The following NSUN6 variants were observed in gnomAD, a reference collection of about 807,000 sequenced individuals.
NSUN6 encodes the protein NOP2/Sun RNA methyltransferase 6, also known as tRNA (cytosine(72)-C(5))-methyltransferase NSUN6.
In NSUN6, 64 loss-of-function variants were observed where a neutral mutation model predicts 58.0. The observed-to-expected ratio is 1.10, with a 90% CI of 0.90 to 1.36. The LOEUF (loss-of-function observed/expected upper bound fraction) is 1.36, where lower values mean the gene tolerates loss of function less well. Ranked by LOEUF, NSUN6 falls within the 40% of genes most tolerant of loss-of-function variation. The probability of loss-of-function intolerance (pLI) is 0.00; values close to 1 mark genes in which losing one functional copy is unlikely to be tolerated. For synonymous variants in NSUN6, 231 were observed against 193.9 expected, an observed-to-expected ratio of 1.19 and a Z score of -1.59; for missense variants, 701 against 550.1, an observed-to-expected ratio of 1.27 and a Z score of -2.74.
At chr10:18,576,753 G>T (rs1324051590) in intron 8 of NSUN6, among the ~76,000 whole-genome samples, 1 of 152,192 alleles carries the variant, frequency 6.6e-6, no homozygotes, top group Non-Finnish European at 1.5e-5. Flanking sequence ...CAGTCAGTCA[G>T]CCCTTGTTCG....
In NSUN6 at chr10:18,648,504, C is replaced by T; in HGVS notation, c.217G>A (p.Asp73Asn). The part of the protein sequence containing the change: ...SVQHVKNLLL[D>N]ELQKQFNGLS... ...TTTCCACAAACCTTCTGAAGTTCAT[C>T]AAGTAACAGATTTTTCACATGTTGT... Residue 73 changes from aspartate (D) to asparagine (N), a missense_variant, in exon 2 of 11, where the codon GAT becomes AAT. Coordinates refer to ENST00000377304, the MANE Select transcript of NSUN6 (RefSeq NM_182543.5). 3 of 1,598,576 alleles carry T rather than the reference C, an allele frequency of 1.9e-6. No individual in the cohort carries two copies. Among genetic ancestry groups the T allele is most frequent in the Non-Finnish European group, 2.6e-6 (3 of 1,169,878 alleles).
intron 8 of NSUN6, among the ~76,000 whole-genome samples, chr10:18,585,201 CTT>C (rs1043840722): frequency 5.3e-5 from 8 of 152,234 alleles, no homozygotes; most frequent in African/African-American, 1.7e-4. Flanking sequence ...AAACCAAACT[CTT>C]TTACATTGTT....
chr10:18,553,426 G>C (rs910192971), intron 8 of NSUN6, among the ~76,000 whole-genome samples: 6 of 151,680 alleles, frequency 4.0e-5, no homozygotes, highest in Non-Finnish European at 7.4e-5. Flanking sequence ...GAATGGAATG[G>C]AGAATGGAAT....
chr10:18,623,565 T>G (rs2058683620), intron 3 of NSUN6, among the ~76,000 whole-genome samples: 1 of 152,092 alleles, frequency 6.6e-6, no homozygotes, highest in South Asian at 2.1e-4. Context: ...GGAAAAGAAA[T>G]CAGAATCTAG....
At chr10:18,629,574 T>TA (rs2058954123) in intron 3 of NSUN6, among the ~76,000 whole-genome samples, 1 of 109,412 alleles carries the variant, frequency 9.1e-6, no homozygotes, top group Non-Finnish European at 2.0e-5. Context: ...ACCAAGCTAA[T>TA]GGAAAACAAA....
At chr10:18,604,511 C>T (rs931194484) in intron 6 of NSUN6, among the ~76,000 whole-genome samples, 5 of 152,166 alleles carry the variant, frequency 3.3e-5, no homozygotes, top group East Asian at 1.9e-4. Context: ...AATACAGAAT[C>T]GCAGAATCCA....
chr10:18,549,990 A>C (rs2054503436), intron 9 of NSUN6, among the ~76,000 whole-genome samples: 2 of 152,206 alleles, frequency 1.3e-5, no homozygotes, highest in Non-Finnish European at 2.9e-5. Flanking sequence ...AATGTACCTA[A>C]AGTCACTTAG....
At chr10:18,625,826 C>G (rs973095547) in intron 3 of NSUN6, among the ~76,000 whole-genome samples, 4 of 149,534 alleles carry the variant, frequency 2.7e-5, no homozygotes, top group African/African-American at 9.9e-5. Context: ...CTAAGAATTC[C>G]ACAGATCTCC....
intron 3 of NSUN6, among the ~76,000 whole-genome samples, chr10:18,618,353 A>C (rs2058484774): frequency 6.6e-6 from 1 of 152,022 alleles, no homozygotes; most frequent in Non-Finnish European, 1.5e-5. Flanking sequence ...TCTTTCCCCC[A>C]TTATTCCTAT....
chr10:18,642,347 GA>G (rs1304946830), intron 3 of NSUN6, 128 bp downstream of exon 3: 3 of 582,320 alleles, frequency 5.2e-6, no homozygotes, highest in Non-Finnish European at 9.3e-6. Flanking sequence ...ATGAAGTTTT[GA>G]ATTCCTGTTA....
chr10:18,600,316 T>C (rs952082193), intron 6 of NSUN6, among the ~76,000 whole-genome samples: 29 of 152,250 alleles, frequency 1.9e-4, no homozygotes, highest in Middle Eastern at 3.4e-3. Context: ...TACAATAATT[T>C]CAGTAATCAC....
chr10:18,601,936 G>A (rs2057857621), intron 6 of NSUN6, among the ~76,000 whole-genome samples: 1 of 150,276 alleles, frequency 6.7e-6, no homozygotes, highest in Non-Finnish European at 1.5e-5. Context: ...TTGCACCACT[G>A]CACTCCAGCC....
intron 7 of NSUN6, among the ~76,000 whole-genome samples, chr10:18,588,573 G>T (rs1037417004): frequency 6.6e-6 from 1 of 152,198 alleles, no homozygotes; most frequent in African/African-American, 2.4e-5. Context: ...GAAGCTTCCA[G>T]AGGAAGGAAC....
chr10:18,546,552 C>G (rs1199470036), intron 10 of NSUN6, among the ~76,000 whole-genome samples: 1 of 152,084 alleles, frequency 6.6e-6, no homozygotes, highest in Non-Finnish European at 1.5e-5. Flanking sequence ...TGGCATATAG[C>G]AGGGACTCAG....
chr10:18,571,508 C>G, intron 8 of NSUN6, among the ~76,000 whole-genome samples: 1 of 151,060 alleles, frequency 6.6e-6, no homozygotes, highest in Non-Finnish European at 1.5e-5. Flanking sequence ...ATTCCATTCC[C>G]CATTCTATTC....
At chr10:18,611,393 G>A (rs1356202999) in intron 5 of NSUN6, among the ~76,000 whole-genome samples, 2 of 152,038 alleles carry the variant, frequency 1.3e-5, no homozygotes, top group South Asian at 2.1e-4. Flanking sequence ...TGCATGTGTA[G>A]ATAGATGGTG....
intron 7 of NSUN6, among the ~76,000 whole-genome samples, chr10:18,593,544 C>A (rs1252003101): frequency 6.6e-6 from 1 of 152,106 alleles, no homozygotes; most frequent in Non-Finnish European, 1.5e-5. Context: ...TGAATGAATT[C>A]ATGTCCTTTA....
intron 9 of NSUN6, among the ~76,000 whole-genome samples, chr10:18,550,329 G>A (rs376219942): frequency 1.3e-5 from 2 of 152,126 alleles, no homozygotes; most frequent in Non-Finnish European, 2.9e-5. Flanking sequence ...AGAAAAAGAC[G>A]AAGTTAAATA....
In NSUN6 at chr10:18,547,050, C is replaced by G. The variant is rs185232525; in HGVS notation, c.1198-905G>C. 4.8e-3 allele frequency among the ~76,000 whole-genome samples: 731 copies of G among 152,262 alleles called. 20 individuals carry two copies. The highest frequency in any genetic ancestry group is 1.1e-3 in the Non-Finnish European group (73 of 68,022). ...TGGTCTTTGGGCATCTAAGGTACCT[C>G]TCTCTGACCCATACCAGTTGGGCGA... On this transcript the variant is annotated intron_variant, in intron 10 of 10. Coordinates refer to ENST00000377304, the MANE Select transcript of NSUN6 (RefSeq NM_182543.5).
Sources: gnomAD v4.1 joint callset for allele counts (sites outside exome capture counted in the v4.1 genomes callset) on GRCh38, gnomAD v4.1.1 for gene constraint, MANE v1.5 for transcripts, NCBI Gene and HGNC (gene_info 2026-07-23, HGNC 2026-07-21) for gene names.